Variants in MYBL1 observed in about 807,000 individuals in gnomAD.
The protein encoded by MYBL1 is myb-related protein A.
Under a neutral mutation model 96.3 loss-of-function variants are expected in MYBL1, and 17 were observed. The observed-to-expected ratio is 0.18, with a 90% CI of 0.12 to 0.26. The LOEUF is 0.26. Among genes scored for constraint, MYBL1 ranks in the 10% least tolerant of loss-of-function variants. MYBL1 has a pLI of 1.00. For synonymous variants in MYBL1, 282 were observed against 292.7 expected, an observed-to-expected ratio of 0.96 and a Z score of 0.37; for missense variants, 701 against 882.9, an observed-to-expected ratio of 0.79 and a Z score of 2.61.
Position 66,592,444 on chromosome 8 carries a change from G to A in MYBL1, c.863C>T (p.Pro288Leu). The A allele has an allele frequency of 6.4e-7, 1 of 1,572,972 alleles. No homozygotes were observed. The highest frequency in any genetic ancestry group is 8.6e-7 in the Non-Finnish European group (1 of 1,158,438). The part of the protein sequence containing the change: ...AENEVRRKRI[P>L]SQPGSFSSWS... ...AATAACAAGCTTATTTCTTACTGAT[G>A]GAATTCGCTTTCTTCTAACTTCATT... Residue 288 changes from proline (P) to leucine (L), a missense_variant, in exon 8 of 16, where the codon CCA becomes CTA. Physicochemically the swap from Pro to Leu is moderately conservative, Grantham distance 98. This residue lies in a region of MYBL1 where 396 missense variants were observed against 407.4 expected (regional missense o/e 0.97). Transcript: ENST00000522677.
At chr8:66,585,247 C>T (rs968031383) in intron 8 of MYBL1, among the ~76,000 whole-genome samples, 22 of 152,012 alleles carry the variant, frequency 1.4e-4, no homozygotes, top group African/African-American at 4.1e-4. Context: ...TCAACAAAGG[C>T]ACCAAGAACA....
At position 66,563,686 on chromosome 8, in the gene MYBL1, AC is replaced by A. The variant is rs1041073332; in HGVS notation, c.*1010del. 6.6e-6 allele frequency: 1 copy of A among 152,148 alleles called. No individual in the cohort carries two copies. Among genetic ancestry groups the A allele is most frequent in the African/African-American group, 2.4e-5 (1 of 41,402 alleles). 9.4% of individuals were successfully genotyped at this position (152,148 alleles called of 1,614,324 possible). A position where few individuals can be genotyped will look rare whatever the true frequency, so the allele number is the denominator to read the frequency against. The stretch of plus-strand genomic sequence containing the variant: ...AATCACCAGATTAATGTATATGACC[AC>A]CCCCGATATAATTTAAAAAGAAAAT... On this transcript the variant is annotated 3_prime_UTR_variant, in exon 16 of 16. Transcript: ENST00000522677.
intron 8 of MYBL1, among the ~76,000 whole-genome samples, chr8:66,586,052 T>G (rs75427718): frequency 2.0e-5 from 3 of 147,550 alleles, no homozygotes; most frequent in East Asian, 3.9e-4. Context: ...GTTTTTTTTT[T>G]TTTTTTTTTT....
intron 12 of MYBL1, among the ~76,000 whole-genome samples, chr8:66,570,963 T>G (rs1161951753): frequency 1.3e-5 from 2 of 152,124 alleles, no homozygotes; most frequent in African/African-American, 2.4e-5. Flanking sequence ...TCAACCCTAC[T>G]ACGTACCCTT....
At chr8:66,577,788 A>G (rs1253118160) in intron 9 of MYBL1, among the ~76,000 whole-genome samples, 1 of 152,216 alleles carries the variant, frequency 6.6e-6, no homozygotes, top group Non-Finnish European at 1.5e-5. Context: ...CTAAGCCAAA[A>G]GAACAAAGCT....
At chr8:66,603,214 T>C (rs1055024743) in intron 1 of MYBL1, among the ~76,000 whole-genome samples, 5 of 152,172 alleles carry the variant, frequency 3.3e-5, no homozygotes, top group Non-Finnish European at 7.3e-5. Context: ...GACAGATATC[T>C]TGTGTTTTAG....
chr8:66,566,929 C>G lies in MYBL1; in HGVS notation c.1792G>C (p.Asp598His). The G allele has an allele frequency of 6.2e-7, 1 of 1,613,388 alleles. No homozygotes were observed. The highest frequency in any genetic ancestry group is 1.7e-4 in the Middle Eastern group (1 of 6,056). Residue 598 changes from aspartate to histidine, a missense_variant, in exon 13 of 16, where the codon GAC (aspartate) becomes CAC (histidine). Coordinates refer to ENST00000522677, the MANE Select transcript of MYBL1 (RefSeq NM_001080416.4). Reference sequence around the variant, plus strand: ...TCATCTTCCTCTTTGAGGAATAGGTCTGTTCCAGTTTCTTCTTTTAAAACT... The same window carrying G: ...TCATCTTCCTCTTTGAGGAATAGGTGTGTTCCAGTTTCTTCTTTTAAAACT... The part of the protein sequence containing the change: ...REVLKEETGT[D>H]LFLKEEDEPA...
At chr8:66,609,489 A>G (rs1209690030) in intron 1 of MYBL1, among the ~76,000 whole-genome samples, 1 of 151,982 alleles carries the variant, frequency 6.6e-6, no homozygotes, top group Non-Finnish European at 1.5e-5. Context: ...AGGTATGAAA[A>G]TTTACCAGGT....
chr8:66,600,441 T>C (rs1810024274), intron 3 of MYBL1, among the ~76,000 whole-genome samples: 1 of 152,242 alleles, frequency 6.6e-6, no homozygotes, highest in Non-Finnish European at 1.5e-5. Context: ...ATAATCAGGT[T>C]GCTCCTGTAT....
Position 66,595,617 on chromosome 8 carries a change from A to G in MYBL1, c.653T>C (p.Met218Thr). ...TATGTAAAACTGATTCTGGGTTTGCATATGATCCATAGCTGCACAAGGTTT... is the reference window on the plus strand; with the variant it reads ...TATGTAAAACTGATTCTGGGTTTGCGTATGATCCATAGCTGCACAAGGTTT... Reference protein sequence around the residue: ...QHKPCAAMDHMQTQNQFYIPV... With the variant: ...QHKPCAAMDHTQTQNQFYIPV... The change falls in exon 6 of 16, where the codon ATG (methionine) becomes ACG (threonine). Residue 218 changes from methionine to threonine, a missense_variant. By Grantham distance (81) the Met-to-Thr change is moderately conservative. Coordinates refer to ENST00000522677, the MANE Select transcript of MYBL1 (RefSeq NM_001080416.4). The G allele has an allele frequency of 6.3e-7, 1 of 1,590,856 alleles. No individual in the cohort carries two copies. The highest frequency in any genetic ancestry group is 1.8e-5 in the Admixed American group (1 of 56,644).
chr8:66,575,918 A>G, intron 10 of MYBL1, 89 bp downstream of exon 10: 1 of 1,341,080 alleles, frequency 7.5e-7, no homozygotes. Context: ...TATGTTATCA[A>G]AGCTACCAAC....
intron 6 of MYBL1, 77 bp downstream of exon 6, chr8:66,595,506 T>TA (rs1809815113): frequency 3.4e-6 from 3 of 878,646 alleles, no homozygotes; most frequent in Non-Finnish European, 4.8e-6. Context: ...GTATTTGTCC[T>TA]ATTAAGAAAC....
At chr8:66,569,301 G>A (rs1027299635) in intron 12 of MYBL1, among the ~76,000 whole-genome samples, 1 of 151,028 alleles carries the variant, frequency 6.6e-6, no homozygotes, top group Admixed American at 6.6e-5. Context: ...CTTTTTTATG[G>A]CTGCATAGTA....
Position 66,613,167 on chromosome 8 carries a change from T to C in MYBL1, c.-329A>G, listed in dbSNP as rs993279515. 2.5e-6 allele frequency: 1 copy of C among 400,668 alleles called. No individual in the cohort carries two copies. The highest frequency in any genetic ancestry group is 4.4e-6 in the Non-Finnish European group (1 of 226,618). The allele number at this position is 400,668 out of a possible 1,614,324, so 24.8% of individuals were successfully genotyped here. A position where few individuals can be genotyped will look rare whatever the true frequency, so the allele number is the denominator to read the frequency against. ...CTCCCTGCCCTGGCCCCAGCCCGGC[T>C]CCGCCACAGGCGCCCGACCCCTGCC... On this transcript the variant is annotated 5_prime_UTR_variant, in exon 1 of 16. Coordinates refer to ENST00000522677, the MANE Select transcript of MYBL1 (RefSeq NM_001080416.4).
intron 12 of MYBL1, among the ~76,000 whole-genome samples, chr8:66,567,907 C>A (rs183556753): frequency 1.9e-4 from 29 of 151,776 alleles, no homozygotes; most frequent in African/African-American, 6.3e-4. Context: ...ACTAAAAACA[C>A]AAAAATTAGC....
intron 9 of MYBL1, among the ~76,000 whole-genome samples, chr8:66,578,167 T>C (rs1373714334): frequency 1.3e-5 from 2 of 152,014 alleles, no homozygotes; most frequent in Non-Finnish European, 2.9e-5. Context: ...GACATAGGCA[T>C]GGACAAGGAC....
At chr8:66,602,351 G>C (rs375349642) in intron 2 of MYBL1, 67 bp downstream of exon 2, 1 of 1,102,908 alleles carries the variant, frequency 9.1e-7, no homozygotes, top group Non-Finnish European at 1.3e-6. Flanking sequence ...ACACCTGGCC[G>C]TATAACTATA....
intron 1 of MYBL1, among the ~76,000 whole-genome samples, chr8:66,606,203 CA>C (rs148559802): frequency 1.3e-5 from 2 of 152,302 alleles, no homozygotes; most frequent in African/African-American, 4.8e-5. Context: ...GTTAACCTCT[CA>C]GGGGTTTAGT....
Position 66,580,227 on chromosome 8 carries a change from G to A in MYBL1, c.1007C>T (p.Ser336Leu). 1 of 1,613,928 alleles carries A rather than the reference G, an allele frequency of 6.2e-7. No individual in the cohort carries two copies. The highest frequency in any genetic ancestry group is 8.5e-7 in the Non-Finnish European group (1 of 1,179,858). ...ENQPVSAQQN[S>L]PTKFLAVEAN... Reference sequence around the variant, plus strand: ...CTCCACGGCCAGGAACTTTGTGGGTGAATTCTGCTGAGCAGACACAGGCTG... The same window carrying A: ...CTCCACGGCCAGGAACTTTGTGGGTAAATTCTGCTGAGCAGACACAGGCTG... Residue 336 changes from serine (S) to leucine (L), a missense_variant, in exon 9 of 16, where the codon TCA becomes TTA. Transcript: ENST00000522677.
Sources: gnomAD v4.1 joint callset for allele counts (sites outside exome capture counted in the v4.1 genomes callset) on GRCh38, gnomAD v4.1.1 for gene constraint, gnomAD v4.1.1 regional missense constraint, MANE v1.5 for transcripts, NCBI Gene and HGNC (gene_info 2026-07-23, HGNC 2026-07-21) for gene names.